The following SLA2 variants were observed in gnomAD, a reference collection of about 807,000 sequenced individuals.
The protein encoded by SLA2 is src-like-adapter 2.
SLA2 carries 22 observed loss-of-function variants against 27.3 expected under a neutral mutation model. The observed-to-expected ratio is 0.81, with a 90% CI of 0.58 to 1.15. The LOEUF (loss-of-function observed/expected upper bound fraction) is 1.15, where lower values mean the gene tolerates loss of function less well. Ranked by LOEUF, SLA2 falls within the 50% of genes most tolerant of loss-of-function variation. The probability of loss-of-function intolerance (pLI) is 0.00; values close to 1 mark genes in which losing one functional copy is unlikely to be tolerated. For missense variants in SLA2, 304 were observed against 322.2 expected (o/e 0.94, Z 0.43); for synonymous variants, 131 against 137.8 (o/e 0.95, Z 0.34).
chr20:36,630,785 GTCA>G (rs932673015), intron 5 of SLA2, among the ~76,000 whole-genome samples: 17 of 152,312 alleles, frequency 1.1e-4, no homozygotes, highest in African/African-American at 1.9e-4. Context: ...GGGAGGCAGG[GTCA>G]TCAAAGAGAC....
chr20:36,612,352 C>T lies in SLA2; in HGVS notation c.*1514G>A, dbSNP rs549100811. 5.5e-4 allele frequency: 448 copies of T among 810,710 alleles called. 3 individuals carry two copies. The highest frequency in any genetic ancestry group is 4.4e-3 in the Middle Eastern group (13 of 2,968). 50.2% of individuals were successfully genotyped at this position (810,710 alleles called of 1,614,324 possible). A position where few individuals can be genotyped will look rare whatever the true frequency, so the allele number is the denominator to read the frequency against. On this transcript the variant is annotated 3_prime_UTR_variant, in exon 8 of 8. Transcript: ENST00000262866. ...TGGAGCTGTCATTTAATTTGATGCACCTCTGGATTCAGATGAAACATTAAA... is the reference window on the plus strand; with the variant it reads ...TGGAGCTGTCATTTAATTTGATGCATCTCTGGATTCAGATGAAACATTAAA...
At chr20:36,633,993 T>C (rs1377666204) in intron 3 of SLA2, among the ~76,000 whole-genome samples, 2 of 151,290 alleles carry the variant, frequency 1.3e-5, no homozygotes, top group East Asian at 1.9e-4. Context: ...ATTCCTTCCT[T>C]CTTTTATTTT....
chr20:36,633,605 C>T lies in SLA2; in HGVS notation c.216G>A (p.Leu72=), dbSNP rs764484901. The stretch of plus-strand genomic sequence containing the variant: ...TATACTCTCTGCCTGAGACTTCAGA[C>T]AGCACCGTCCACCAGTCTCCATCCC... ...VSEDGDWWTV[L]SEVSGREYNI... is the part of the protein sequence containing the mutation. Residue 72 remains leucine, a synonymous_variant, in exon 4 of 8, where the codon CTG becomes CTA. Coordinates refer to ENST00000262866, the MANE Select transcript of SLA2 (RefSeq NM_032214.4). 6.2e-7 allele frequency: 1 copy of T among 1,614,010 alleles called. No homozygotes were observed. The highest frequency in any genetic ancestry group is 8.5e-7 in the Non-Finnish European group (1 of 1,179,948).
Position 36,645,969 on chromosome 20 carries a change from C to G in SLA2, c.-176G>C, listed in dbSNP as rs1416450478. The G allele has an allele frequency of 6.6e-6, 1 of 152,316 alleles. No homozygotes were observed. The highest frequency in any genetic ancestry group is 2.4e-5 in the African/African-American group (1 of 41,442). 9.4% of individuals were successfully genotyped at this position (152,316 alleles called of 1,614,324 possible). ...CCTAGGACACCCAGAACTCTCTCAG[C>G]CTGGGAGGATCTTCAGGGAGAGGCT... On this transcript the variant is annotated 5_prime_UTR_variant, in exon 1 of 8. Transcript: ENST00000262866.
chr20:36,625,078 C>T (rs189661200), intron 5 of SLA2, among the ~76,000 whole-genome samples: 1 of 152,112 alleles, frequency 6.6e-6, no homozygotes, highest in Non-Finnish European at 1.5e-5. Context: ...TGCTCTGGGC[C>T]CAGACACAGG....
Position 36,612,319 on chromosome 20 carries a change from T to C in SLA2, c.*1547A>G. 8.6e-7 allele frequency: 1 copy of C among 1,167,730 alleles called. No homozygotes were observed. The highest frequency in any genetic ancestry group is 2.4e-5 in the East Asian group (1 of 42,552). 72.3% of individuals were successfully genotyped at this position (1,167,730 alleles called of 1,614,324 possible). On this transcript the variant is annotated 3_prime_UTR_variant, in exon 8 of 8. Coordinates refer to ENST00000262866, the MANE Select transcript of SLA2 (RefSeq NM_032214.4). ...GATACCATCAAGTAACAGCTATTATTTGCCAAGTGGAGCTGTCATTTAATT... is the reference window on the plus strand; with the variant it reads ...GATACCATCAAGTAACAGCTATTATCTGCCAAGTGGAGCTGTCATTTAATT...
Position 36,632,637 on chromosome 20 carries a change from GGTTCCCAGGTAACAACAGCA to G in SLA2, c.320_339del (p.Leu107ProfsTer41). The G allele has an allele frequency of 6.2e-7, 1 of 1,614,170 alleles. No homozygotes were observed. The highest frequency in any genetic ancestry group is 8.5e-7 in the Non-Finnish European group (1 of 1,180,028). On this transcript the variant is annotated frameshift_variant, in exon 5 of 8. Transcript: ENST00000262866. LOFTEE classifies it high-confidence loss of function. ...TCCCGGATGAGGAAGGCCCCTCCAG[GGTTCCCAGGTAACAACAGCA>G]GTTCCTCTGCTTTCTCCCTGCTCAG...
At chr20:36,634,792 AGAG>A (rs2039427870) in intron 2 of SLA2, among the ~76,000 whole-genome samples, 1 of 151,642 alleles carries the variant, frequency 6.6e-6, no homozygotes, top group African/African-American at 2.4e-5. Context: ...GCCCAGAGAG[AGAG>A]AGAGAGAGAG....
intron 6 of SLA2, 75 bp from the exon 7 acceptor site, chr20:36,614,512 C>T (rs2039184338): frequency 2.6e-6 from 4 of 1,518,092 alleles, no homozygotes; most frequent in Non-Finnish European, 3.5e-6. Context: ...CCCTGACAGC[C>T]CTCTGCAGTT....
At chr20:36,614,011 G>A (rs1311250433) in intron 7 of SLA2, 25 bp from the exon 8 acceptor site, 1 of 1,611,708 alleles carries the variant, frequency 6.2e-7, no homozygotes, top group African/African-American at 1.3e-5. Flanking sequence ...AGATAATTGG[G>A]TCAAGAAGCC....
At chr20:36,623,927 G>C (rs2147983785) in intron 5 of SLA2, among the ~76,000 whole-genome samples, 1 of 152,250 alleles carries the variant, frequency 6.6e-6, no homozygotes, top group African/African-American at 2.4e-5. Context: ...TAGTGACCAA[G>C]ACCTTATAAC....
intron 5 of SLA2, among the ~76,000 whole-genome samples, chr20:36,628,209 C>G (rs1235273247): frequency 6.6e-6 from 1 of 152,164 alleles, no homozygotes; most frequent in African/African-American, 2.4e-5. Flanking sequence ...CCTGTACACT[C>G]AAGTCTGAGA....
chr20:36,617,746 A>G (rs1405302968), intron 5 of SLA2, among the ~76,000 whole-genome samples: 1 of 151,416 alleles, frequency 6.6e-6, no homozygotes, highest in Non-Finnish European at 1.5e-5. Flanking sequence ...AATCCCAGCT[A>G]CTCAGGAGGC....
At chr20:36,623,842 C>G (rs1274428849) in intron 5 of SLA2, among the ~76,000 whole-genome samples, 1 of 151,936 alleles carries the variant, frequency 6.6e-6, no homozygotes, top group Non-Finnish European at 1.5e-5. Context: ...GTGCTGTAAC[C>G]CTAAAAAATT....
intron 3 of SLA2, 131 bp downstream of exon 3, chr20:36,634,359 T>C (rs757294104): frequency 6.4e-6 from 4 of 627,018 alleles, no homozygotes; most frequent in South Asian, 2.1e-5. Flanking sequence ...TCATAGCTCA[T>C]TGCAGCCTTG....
intron 1 of SLA2, among the ~76,000 whole-genome samples, chr20:36,644,903 T>G (rs944398372): frequency 3.1e-5 from 4 of 129,692 alleles, no homozygotes; most frequent in Admixed American, 2.6e-4. Context: ...GTATCTCACT[T>G]GGGTCCCATT....
At chr20:36,634,639 G>A (rs760254140) in intron 2 of SLA2, 50 bp from the exon 3 acceptor site, 13 of 1,278,060 alleles carry the variant, frequency 1.0e-5, no homozygotes, top group Middle Eastern at 1.9e-4. Flanking sequence ...CCTGCTCCAC[G>A]CATGAGGTCT....
chr20:36,618,384 G>A (rs2039239602), intron 5 of SLA2, among the ~76,000 whole-genome samples: 1 of 151,392 alleles, frequency 6.6e-6, no homozygotes, highest in Non-Finnish European at 1.5e-5. Flanking sequence ...CTACAGGCAC[G>A]TGCCACCATG....
intron 2 of SLA2, among the ~76,000 whole-genome samples, chr20:36,640,678 G>A (rs1267384728): frequency 2.0e-5 from 3 of 151,802 alleles, no homozygotes; most frequent in African/African-American, 4.8e-5. Context: ...CACCATGACC[G>A]GCTAATTTTT....
Sources: allele counts gnomAD v4.1 joint callset (sites outside exome capture counted in the v4.1 genomes callset), GRCh38; gene constraint gnomAD v4.1.1; transcripts MANE v1.5; gene names NCBI Gene and HGNC (gene_info 2026-07-23, HGNC 2026-07-21).